LGR5: variants seen among roughly 807,000 people sequenced by gnomAD.
The protein encoded by LGR5 is leucine rich repeat containing G protein-coupled receptor 5.
Under a neutral mutation model 76.7 loss-of-function variants are expected in LGR5, and 54 were observed. The ratio of observed to expected loss-of-function variants is 0.70; its 90% CI spans 0.57 to 0.88. The LOEUF is 0.88. LGR5 is among the 40% of genes least tolerant of loss of function. The pLI is 0.00. For synonymous variants in LGR5, 406 were observed against 421.9 expected (o/e 0.96, Z 0.46); for missense variants, 1,078 against 1,073.3 (o/e 1.00, Z -0.06).
Position 71,490,579 on chromosome 12 carries a change from G to A in LGR5, c.213-14035G>A, listed in dbSNP as rs143060733. ...AAATGTATAACGGTATGTTGAACTC[G>A]TAGGTAAAGTTTCATTTCCTAACAC... On this transcript the variant is annotated intron_variant, in intron 1 of 17. Coordinates refer to ENST00000266674, the MANE Select transcript of LGR5 (RefSeq NM_003667.4). Among the ~76,000 whole-genome samples, 114 of 152,232 alleles carry A rather than the reference G, an allele frequency of 7.5e-4. 1 individual carries two copies. Among genetic ancestry groups the A allele is most frequent in the African/African-American group, 2.6e-3 (110 of 41,554 alleles).
intron 1 of LGR5, among the ~76,000 whole-genome samples, chr12:71,487,482 A>G (rs552653156): frequency 1.2e-4 from 19 of 152,242 alleles, no homozygotes; most frequent in African/African-American, 4.3e-4. Context: ...TGGCATAATC[A>G]TAGCTCACTG....
chr12:71,575,943 A>G (rs1392976339), intron 13 of LGR5, among the ~76,000 whole-genome samples: 1 of 152,210 alleles, frequency 6.6e-6, no homozygotes, highest in Admixed American at 6.5e-5. Context: ...TTACAGGCAC[A>G]TGGGTGGAGC....
At chr12:71,465,469 G>C (rs4489843) in intron 1 of LGR5, among the ~76,000 whole-genome samples, 1 of 151,782 alleles carries the variant, frequency 6.6e-6, no homozygotes, top group Admixed American at 6.6e-5. Context: ...TCATATGTGC[G>C]TGCATTTCTA....
intron 4 of LGR5, among the ~76,000 whole-genome samples, chr12:71,545,608 A>G (rs939688560): frequency 2.0e-5 from 3 of 152,010 alleles, no homozygotes; most frequent in Non-Finnish European, 4.4e-5. Flanking sequence ...TTTTTCTCCA[A>G]GTCATCCATG....
chr12:71,539,450 A>G (rs1876764166), intron 4 of LGR5, among the ~76,000 whole-genome samples: 1 of 152,180 alleles, frequency 6.6e-6, no homozygotes, highest in Non-Finnish European at 1.5e-5. Context: ...TTCATAATGG[A>G]AACACATAGG....
chr12:71,526,104 T>C lies in LGR5; in HGVS notation c.356+1627T>C, dbSNP rs117628079. Among the ~76,000 whole-genome samples, 559 of 152,274 alleles carry C rather than the reference T, an allele frequency of 3.7e-3. 2 individuals are homozygous for C. Among genetic ancestry groups the C allele is most frequent in the Non-Finnish European group, 6.2e-3 (420 of 68,010 alleles). ...AGAGTAGACATTCAATAAATATTTG[T>C]TGAATTAATGATTCAGGCTGATGAT... On this transcript the variant is annotated intron_variant, in intron 3 of 17. Transcript: ENST00000266674.
At chr12:71,495,379 TAA>T (rs1425171138) in intron 1 of LGR5, among the ~76,000 whole-genome samples, 2 of 151,246 alleles carry the variant, frequency 1.3e-5, no homozygotes, top group African/African-American at 2.5e-5. Flanking sequence ...TGACTAGAGT[TAA>T]GTTTAATTTC....
At chr12:71,561,381 C>CA (rs1841263765) in intron 7 of LGR5, among the ~76,000 whole-genome samples, 1 of 152,190 alleles carries the variant, frequency 6.6e-6, no homozygotes, top group Admixed American at 6.5e-5. Flanking sequence ...ATCTTTACTT[C>CA]ACTGCAGCTT....
intron 2 of LGR5, among the ~76,000 whole-genome samples, chr12:71,516,399 C>T (rs931333942): frequency 6.6e-6 from 1 of 152,084 alleles, no homozygotes; most frequent in African/African-American, 2.4e-5. Flanking sequence ...CAGGCCCCCT[C>T]GCTTAACTCT....
intron 1 of LGR5, among the ~76,000 whole-genome samples, chr12:71,476,991 TAAAG>T (rs1873364661): frequency 6.6e-6 from 1 of 151,918 alleles, no homozygotes; most frequent in Non-Finnish European, 1.5e-5. Flanking sequence ...CCTACAAAGA[TAAAG>T]AAAACAGGAA....
rs201293635 is a variant in LGR5, at chr12:71,571,580, G to A, written c.1136+1G>A. On this transcript the variant is annotated splice_donor_variant, in intron 12 of 17. Coordinates refer to ENST00000266674, the MANE Select transcript of LGR5 (RefSeq NM_003667.4). LOFTEE classifies it high-confidence loss of function. ...CAGTCTGCCAAAAGCTTCAGAAAAT[G>A]TAAGTCTAGAAGTCTCTAAGTCACC... The A allele has an allele frequency of 4.4e-6, 7 of 1,607,170 alleles. No homozygotes were observed. The Admixed American group carries it at 8.3e-5, about 19-fold the overall frequency.
intron 11 of LGR5, among the ~76,000 whole-genome samples, chr12:71,568,139 C>G (rs1744284968): frequency 6.6e-6 from 1 of 152,122 alleles, no homozygotes; most frequent in Admixed American, 6.6e-5. Flanking sequence ...AAGTAAGGAA[C>G]CAGTGTTTAA....
intron 6 of LGR5, among the ~76,000 whole-genome samples, chr12:71,559,047 A>G (rs992274457): frequency 1.3e-5 from 2 of 152,206 alleles, no homozygotes; most frequent in Non-Finnish European, 2.9e-5. Context: ...CCTGTCTCAC[A>G]TAAACCTCTC....
At chr12:71,464,581 CTGAGT>C (rs1211008470) in intron 1 of LGR5, among the ~76,000 whole-genome samples, 1 of 152,010 alleles carries the variant, frequency 6.6e-6, no homozygotes, top group Non-Finnish European at 1.5e-5. Context: ...AAAAAATGAA[CTGAGT>C]TAAGAAAAAT....
At chr12:71,576,219 C>T (rs1255465106) in intron 13 of LGR5, among the ~76,000 whole-genome samples, 1 of 152,196 alleles carries the variant, frequency 6.6e-6, no homozygotes, top group Admixed American at 6.5e-5. Context: ...CCTGCATGTC[C>T]TGCACGTGTA....
intron 2 of LGR5, among the ~76,000 whole-genome samples, chr12:71,509,935 T>G (rs1875063974): frequency 1.3e-5 from 2 of 152,192 alleles, no homozygotes; most frequent in Non-Finnish European, 2.9e-5. Flanking sequence ...TTATTACAGA[T>G]GAAATTTGTA....
In LGR5 at chr12:71,583,929, T is replaced by C. The variant is rs372546802; in HGVS notation, c.1919T>C (p.Ile640Thr). The change falls in exon 18 of 18, where the codon ATT becomes ACT. Residue 640 changes from isoleucine (I) to threonine (T), a missense_variant. Transcript: ENST00000266674. ...WWENGVGCHV[I>T]GFLSIFASES... ...GAGAATGGGGTTGGTTGCCATGTCATTGGTTTTTTGTCCATTTTTGCTTCA... is the reference window on the plus strand; with the variant it reads ...GAGAATGGGGTTGGTTGCCATGTCACTGGTTTTTTGTCCATTTTTGCTTCA... 6.8e-6 allele frequency: 11 copies of C among 1,614,048 alleles called. No individual in the cohort carries two copies. Among genetic ancestry groups the C allele is most frequent in the African/African-American group, 6.7e-5 (5 of 74,918 alleles).
intron 2 of LGR5, among the ~76,000 whole-genome samples, chr12:71,505,199 G>A (rs930792460): frequency 6.6e-6 from 1 of 152,044 alleles, no homozygotes; most frequent in Admixed American, 6.5e-5. Flanking sequence ...GGCTTCAGTA[G>A]AAAAATGTGA....
chr12:71,478,961 T>C (rs1873461998), intron 1 of LGR5, among the ~76,000 whole-genome samples: 1 of 152,218 alleles, frequency 6.6e-6, no homozygotes, highest in Non-Finnish European at 1.5e-5. Context: ...ATTGTTCTAT[T>C]TCACGAAGGA....
Sources: gnomAD v4.1 joint callset for allele counts (sites outside exome capture counted in the v4.1 genomes callset) on GRCh38, gnomAD v4.1.1 for gene constraint, MANE v1.5 for transcripts, NCBI Gene and HGNC (gene_info 2026-07-23, HGNC 2026-07-21) for gene names.